SMG6: variants seen among roughly 807,000 people sequenced by gnomAD.
The protein encoded by SMG6 is SMG6 nonsense mediated mRNA decay factor.
SMG6 carries 66 observed loss-of-function variants against 142.2 expected under a neutral mutation model. The ratio of observed to expected loss-of-function variants is 0.46; its 90% CI spans 0.38 to 0.57. The LOEUF (loss-of-function observed/expected upper bound fraction) is 0.57, where lower values mean the gene tolerates loss of function less well. SMG6 is among the 20% of genes least tolerant of loss of function. SMG6 has a pLI of 0.00. For missense variants in SMG6, 1,793 were observed against 1,832.0 expected, an observed-to-expected ratio of 0.98 and a Z score of 0.39; for synonymous variants, 779 against 702.4, an observed-to-expected ratio of 1.11 and a Z score of -1.72.
At chr17:2,096,202 C>T (rs942663184) in intron 13 of SMG6, among the ~76,000 whole-genome samples, 3 of 152,094 alleles carry the variant, frequency 2.0e-5, no homozygotes, top group Non-Finnish European at 4.4e-5. Flanking sequence ...CCACTTATGT[C>T]TGGCAAATAA....
In SMG6 at chr17:2,288,815, C is replaced by G. The variant is rs10432015; in HGVS notation, c.2337+3737G>C. On this transcript the variant is annotated intron_variant, in intron 6 of 18. Transcript: ENST00000263073. ...GCGTGAGCAGCCAGGCGCGGTGGCTCACGCCTGTAATCCCAGCACTTTGGG... is the reference window on the plus strand; with the variant it reads ...GCGTGAGCAGCCAGGCGCGGTGGCTGACGCCTGTAATCCCAGCACTTTGGG... Among the ~76,000 whole-genome samples the G allele has an allele frequency of 7.3e-5, 11 of 151,712 alleles. No individual in the cohort carries two copies. The East Asian group carries it at 2.1e-3, about 30-fold the overall frequency.
At chr17:2,171,398 C>T (rs933148101) in intron 13 of SMG6, among the ~76,000 whole-genome samples, 5 of 147,598 alleles carry the variant, frequency 3.4e-5, no homozygotes, top group Admixed American at 6.7e-5. Flanking sequence ...AAATTAAATA[C>T]GATTATATAT....
chr17:2,133,114 G>A (rs908216669), intron 13 of SMG6, among the ~76,000 whole-genome samples: 2 of 152,020 alleles, frequency 1.3e-5, no homozygotes, highest in Non-Finnish European at 2.9e-5. Flanking sequence ...ACGTGGTGGC[G>A]CATGCCTGTA....
intron 12 of SMG6, among the ~76,000 whole-genome samples, chr17:2,177,879 C>A (rs2151666208): frequency 6.6e-6 from 1 of 152,282 alleles, no homozygotes; most frequent in African/African-American, 2.4e-5. Context: ...CTAAGACATG[C>A]AATATCTGCC....
chr17:2,086,051 A>G, intron 13 of SMG6, 150 bp from the exon 14 acceptor site: 1 of 778,322 alleles, frequency 1.3e-6, no homozygotes, highest in South Asian at 1.5e-5. Context: ...CGGAGGGCAC[A>G]AGGGCATGTC....
intron 8 of SMG6, among the ~76,000 whole-genome samples, chr17:2,258,066 C>CAT (rs1295030105): frequency 1.7e-5 from 2 of 120,554 alleles, no homozygotes; most frequent in African/African-American, 3.1e-5. Flanking sequence ...CACACACACA[C>CAT]ATATATATAC....
At chr17:2,148,858 C>CA (rs145407655) in intron 13 of SMG6, among the ~76,000 whole-genome samples, 49,027 of 135,066 alleles carry the variant, frequency 0.36, 8,635 homozygotes, top group African/African-American at 0.49. Context: ...GACTCTGTCT[C>CA]AAAAAAAAAA....
Position 2,162,831 on chromosome 17 carries a change from G to T in SMG6, c.3357+9827C>A, listed in dbSNP as rs188591620. Among the ~76,000 whole-genome samples, 195 of 152,136 alleles carry T rather than the reference G, an allele frequency of 1.3e-3. 1 individual carries two copies. The highest frequency in any genetic ancestry group is 4.3e-3 in the African/African-American group (180 of 41,504). On this transcript the variant is annotated intron_variant, in intron 13 of 18. Transcript: ENST00000263073. ...TTTTCTTTTCCGTATTGCTAATCTT[G>T]ATTTTCCTCTCTTTTTTTGAGAAAG... is the stretch of plus-strand genomic sequence containing the variant.
At position 2,188,647 on chromosome 17, in the gene SMG6, G is replaced by A. The variant is rs185291313; in HGVS notation, c.2870-132C>T. The A allele has an allele frequency of 4.2e-6, 3 of 710,944 alleles. No homozygotes were observed. The African/African-American group carries it at 5.4e-5, about 13-fold the overall frequency. 44.0% of individuals were successfully genotyped at this position (710,944 alleles called of 1,614,324 possible). Reference sequence around the variant, plus strand: ...ATTCCCTCTCTCAGAGTGGTCATAAGGCCAAGTAGAAAATGCATGTGAAGC... The same window carrying A: ...ATTCCCTCTCTCAGAGTGGTCATAAAGCCAAGTAGAAAATGCATGTGAAGC... On this transcript the variant is annotated intron_variant, in intron 10 of 18. Transcript: ENST00000263073.
intron 15 of SMG6, among the ~76,000 whole-genome samples, chr17:2,069,544 C>T (rs1424969480): frequency 6.6e-6 from 1 of 151,578 alleles, no homozygotes; most frequent in African/African-American, 2.4e-5. Context: ...TGCAGCGAGC[C>T]GAGATCACAC....
At chr17:2,265,082 T>C (rs1404302475) in intron 8 of SMG6, among the ~76,000 whole-genome samples, 1 of 152,140 alleles carries the variant, frequency 6.6e-6, no homozygotes, top group Admixed American at 6.6e-5. Flanking sequence ...GTTTTTGACC[T>C]TGTCAAGCTT....
intron 8 of SMG6, among the ~76,000 whole-genome samples, chr17:2,282,371 G>A (rs2074805503): frequency 8.0e-6 from 1 of 125,120 alleles, no homozygotes; most frequent in Non-Finnish European, 1.6e-5. Context: ...TCATGTTGAT[G>A]ACGCTGAACA....
chr17:2,186,296 A>C (rs1235936054), intron 12 of SMG6, among the ~76,000 whole-genome samples: 1 of 151,894 alleles, frequency 6.6e-6, no homozygotes, highest in African/African-American at 2.4e-5. Context: ...AAAAACTAAT[A>C]AGAGAAGATA....
At chr17:2,280,675 TAAAA>T in intron 8 of SMG6, 2 of 697,154 alleles carry the variant, frequency 2.9e-6, no homozygotes, top group Non-Finnish European at 3.5e-6. Flanking sequence ...ATGTACAAAC[TAAAA>T]ATATATAGTT....
At chr17:2,256,652 G>A (rs1461620699) in intron 8 of SMG6, among the ~76,000 whole-genome samples, 2 of 152,136 alleles carry the variant, frequency 1.3e-5, no homozygotes, top group African/African-American at 2.4e-5. Flanking sequence ...GCGCACACCT[G>A]TAGTTCTAGC....
chr17:2,142,988 T>C (rs948250610), intron 13 of SMG6, among the ~76,000 whole-genome samples: 13 of 151,874 alleles, frequency 8.6e-5, no homozygotes, highest in African/African-American at 1.7e-4. Context: ...TCAACATCAT[T>C]AGTTATTGAG....
chr17:2,182,083 C>G (rs969105215), intron 12 of SMG6, among the ~76,000 whole-genome samples: 1 of 152,194 alleles, frequency 6.6e-6, no homozygotes, highest in African/African-American at 2.4e-5. Flanking sequence ...TCTGCCTCCC[C>G]ACCCTGAGAG....
chr17:2,196,796 C>T (rs1404775449), intron 10 of SMG6, among the ~76,000 whole-genome samples: 1 of 152,048 alleles, frequency 6.6e-6, no homozygotes, highest in Non-Finnish European at 1.5e-5. Context: ...ATCTGGGGGA[C>T]CAAGGCAGGA....
intron 10 of SMG6, among the ~76,000 whole-genome samples, chr17:2,189,181 A>G (rs2072085703): frequency 6.6e-6 from 1 of 152,202 alleles, no homozygotes; most frequent in Non-Finnish European, 1.5e-5. Flanking sequence ...CCCTAGCGCT[A>G]AAAAATAAAC....
Sources: allele counts gnomAD v4.1 joint callset (sites outside exome capture counted in the v4.1 genomes callset), GRCh38; gene constraint gnomAD v4.1.1; transcripts MANE v1.5; gene names NCBI Gene and HGNC (gene_info 2026-07-23, HGNC 2026-07-21).